FIBP: variants seen among roughly 807,000 people sequenced by gnomAD.
FIBP encodes FGF1 intracellular binding protein.
FIBP carries 29 observed loss-of-function variants against 40.5 expected under a neutral mutation model. The ratio of observed to expected loss-of-function variants is 0.72; its 90% CI spans 0.53 to 0.98. The LOEUF (loss-of-function observed/expected upper bound fraction) is 0.98. Among genes scored for constraint, FIBP ranks in the 50% least tolerant of loss-of-function variants. FIBP has a pLI of 0.00. For missense variants in FIBP, 411 were observed against 470.2 expected, an observed-to-expected ratio of 0.87 and a Z score of 1.16; for synonymous variants, 215 against 191.1, an observed-to-expected ratio of 1.13 and a Z score of -1.03.
chr11:65,887,385 G>T, intron 3 of FIBP: 1 of 576,530 alleles, frequency 1.7e-6, no homozygotes, highest in East Asian at 3.1e-5. Context: ...GGCGGAGGTT[G>T]CAGTGAGCTG....
intron 1 of FIBP, 48 bp downstream of exon 1, chr11:65,888,286 C>T (rs1395863460): frequency 6.6e-7 from 1 of 1,526,476 alleles, no homozygotes; most frequent in African/African-American, 1.4e-5. Flanking sequence ...CTCTCCCATT[C>T]AACACAACCG....
At chr11:65,886,169 T>TTA in intron 4 of FIBP, 153 bp downstream of exon 4, 1 of 336,622 alleles carries the variant, frequency 3.0e-6, no homozygotes, top group South Asian at 5.1e-5. Flanking sequence ...TCCGTCTCAT[T>TTA]AAAAAAAAAA....
chr11:65,885,809 G>T, intron 4 of FIBP, 146 bp from the exon 5 acceptor site: 1 of 771,064 alleles, frequency 1.3e-6, no homozygotes, highest in Non-Finnish European at 2.1e-6. Context: ...ACTTCTCTAT[G>T]ACCCTTCCCC....
intron 5 of FIBP, 144 bp downstream of exon 5, chr11:65,885,386 T>C (rs946747719): frequency 8.6e-5 from 92 of 1,072,118 alleles, no homozygotes; most frequent in Middle Eastern, 6.0e-4. Flanking sequence ...GGGGAAAACA[T>C]TCTATGGGCA....
In FIBP at chr11:65,887,448, A is replaced by G. The variant is rs1487047995; in HGVS notation, c.411+152T>C. Reference sequence around the variant, plus strand: ...GCCACAGAGCAAGACTCCATCTCGAAAAAAAAAAAAAAAAAGGAGGGGAAA... The same window carrying G: ...GCCACAGAGCAAGACTCCATCTCGAGAAAAAAAAAAAAAAAGGAGGGGAAA... On this transcript the variant is annotated intron_variant, in intron 3 of 9. Transcript: ENST00000357519. The G allele has an allele frequency of 3.2e-4, 155 of 482,200 alleles. No individual in the cohort carries two copies. In the East Asian group the frequency reaches 6.6e-3, roughly 20 times the overall value. 29.9% of individuals were successfully genotyped at this position (482,200 alleles called of 1,614,324 possible). A position where few individuals can be genotyped will look rare whatever the true frequency, so the allele number is the denominator to read the frequency against.
In FIBP at chr11:65,885,548, A is replaced by G; in HGVS notation, c.628T>C (p.Trp210Arg). 6.2e-7 allele frequency: 1 copy of G among 1,614,090 alleles called. No individual in the cohort carries two copies. The highest frequency in any genetic ancestry group is 8.5e-7 in the Non-Finnish European group (1 of 1,179,964). The change falls in exon 5 of 10, where the codon TGG becomes CGG. Residue 210 changes from tryptophan to arginine, a missense_variant. Transcript: ENST00000357519. ...AFCAELMIQN[W>R]TLGAVDSQMD... is the part of the protein sequence containing the mutation. ...GCCTCACCGACGGCTCCAAGGGTCCAGTTTTGGATCATGAGCTCAGCGCAG... is the reference window on the plus strand; with the variant it reads ...GCCTCACCGACGGCTCCAAGGGTCCGGTTTTGGATCATGAGCTCAGCGCAG...
At chr11:65,887,492 C>A in intron 3 of FIBP, 108 bp downstream of exon 3, 31 of 1,059,852 alleles carry the variant, frequency 2.9e-5, no homozygotes, top group Non-Finnish European at 4.1e-5. Flanking sequence ...GAGGAGAAGA[C>A]TAGGTATGAA....
chr11:65,887,709 T>C lies in FIBP; in HGVS notation c.302A>G (p.Glu101Gly), dbSNP rs776096153. The C allele has an allele frequency of 1.1e-5, 18 of 1,614,024 alleles. No individual in the cohort carries two copies. The highest frequency in any genetic ancestry group is 1.5e-5 in the Non-Finnish European group (18 of 1,180,032). ...GCCCAGCACCTCCCGAACAAAGGCC[T>C]CATCAAAGGCATAGTACCTTGTGGA... is the stretch of plus-strand genomic sequence containing the variant. ...LLIERYYAFD[E>G]AFVREVLGKK... Residue 101 changes from glutamate (E) to glycine (G), a missense_variant, in exon 3 of 10, where the codon GAG becomes GGG. Physicochemically the swap from Glu to Gly is moderately conservative, Grantham distance 98. Transcript: ENST00000357519.
At position 65,888,106 on chromosome 11, in the gene FIBP, G is replaced by C. The variant is rs757870004; in HGVS notation, c.112C>G (p.Arg38Gly). 2 of 1,587,822 alleles carry C rather than the reference G, an allele frequency of 1.3e-6. No individual in the cohort carries two copies. ...SVTDAVALRV[R>G]SGILEQTGAT... ...CCAGTCTGCTCCAGGATTCCCGAGCGCACCCGCAGGGCCACCGCGTCGGTC... is the reference window on the plus strand; with the variant it reads ...CCAGTCTGCTCCAGGATTCCCGAGCCCACCCGCAGGGCCACCGCGTCGGTC... Residue 38 changes from arginine to glycine, a missense_variant, in exon 2 of 10, where the codon CGC becomes GGC. Coordinates refer to ENST00000357519, the MANE Select transcript of FIBP (RefSeq NM_004214.5).
chr11:65,886,195 A>G (rs1314346474), intron 4 of FIBP, 127 bp downstream of exon 4: 1 of 525,496 alleles, frequency 1.9e-6, no homozygotes, highest in South Asian at 2.8e-5. Context: ...AAAAAAGTAC[A>G]GACCAAAAGT....
At chr11:65,886,629 T>G (rs1380156738) in intron 3 of FIBP, 1 of 525,188 alleles carries the variant, frequency 1.9e-6, no homozygotes, top group Non-Finnish European at 3.4e-6. Flanking sequence ...TGCTGTATCT[T>G]GCCTTGGATA....
In FIBP at chr11:65,884,401, T is replaced by C; in HGVS notation, c.995A>G (p.Asp332Gly). The change falls in exon 9 of 10, where the codon GAT (aspartate) becomes GGT (glycine). Residue 332 changes from aspartate to glycine, a missense_variant. By Grantham distance (94) the Asp-to-Gly change is moderately conservative (BLOSUM62 -1). Coordinates refer to ENST00000357519, the MANE Select transcript of FIBP (RefSeq NM_004214.5). ...GGACAGGGCTGCTCACCGGAAGCCA[T>C]CGAGGGAGTGGACAGACGCTGAATA... ...NQYSASVHSL[D>G]GFRHQALWDR... 2 of 1,613,820 alleles carry C rather than the reference T, an allele frequency of 1.2e-6. No individual in the cohort carries two copies. Among genetic ancestry groups the C allele is most frequent in the Non-Finnish European group, 1.7e-6 (2 of 1,179,902 alleles).
At position 65,885,533 on chromosome 11, in the gene FIBP, C is replaced by T. The variant is rs142260057; in HGVS notation, c.643G>A (p.Val215Ile). Residue 215 changes from valine to isoleucine, a missense_variant, in exon 5 of 10, where the codon GTC (valine) becomes ATC (isoleucine). Val to Ile is a conservative substitution (Grantham distance 29, BLOSUM62 3). Transcript: ENST00000357519. ...CCTGGGTCAGTGGGGGCCTCACCGA[C>T]GGCTCCAAGGGTCCAGTTTTGGATC... The part of the protein sequence containing the change: ...LMIQNWTLGA[V>I]DSQMDDMDMD... The T allele has an allele frequency of 1.4e-5, 22 of 1,613,104 alleles. No individual in the cohort carries two copies. Among genetic ancestry groups the T allele is most frequent in the South Asian group, 3.3e-5 (3 of 91,032 alleles).
chr11:65,884,011 G>T lies in FIBP; in HGVS notation c.1037C>A (p.Thr346Asn), dbSNP rs763382803. ...CAGGCGCAGGAGGCAGCCGCGGAGG[G>T]TGCCCATGTAGCGGTCCCAGAGGGC... ...HQALWDRYMG[T>N]LRGCLLRLYH... Residue 346 changes from threonine to asparagine, a missense_variant, in exon 10 of 10, where the codon ACC becomes AAC. By Grantham distance (65) the Thr-to-Asn change is moderately conservative. Coordinates refer to ENST00000357519, the MANE Select transcript of FIBP (RefSeq NM_004214.5). The T allele has an allele frequency of 6.2e-7, 1 of 1,613,986 alleles. No homozygotes were observed. The highest frequency in any genetic ancestry group is 8.5e-7 in the Non-Finnish European group (1 of 1,179,976).
chr11:65,883,797 A>G lies in FIBP; in HGVS notation c.*177T>C. 1 of 737,238 alleles carries G rather than the reference A, an allele frequency of 1.4e-6. No individual in the cohort carries two copies. Among genetic ancestry groups the G allele is most frequent in the South Asian group, 1.7e-5 (1 of 57,932 alleles). The allele number at this position is 737,238 out of a possible 1,614,324, so 45.7% of individuals were successfully genotyped here. Reference sequence around the variant, plus strand: ...CTGAGCACAGACACCATTCCCTGAGATATGTCTCAGTTCCCAAGGAGCCAC... The same window carrying G: ...CTGAGCACAGACACCATTCCCTGAGGTATGTCTCAGTTCCCAAGGAGCCAC... On this transcript the variant is annotated 3_prime_UTR_variant, in exon 10 of 10. Transcript: ENST00000357519.
chr11:65,888,164 C>A lies in FIBP; in HGVS notation c.86-32G>T. 5 of 1,533,792 alleles carry A rather than the reference C, an allele frequency of 3.3e-6. No individual in the cohort carries two copies. The South Asian group carries it at 4.8e-5, about 15-fold the overall frequency. ...AGCGGACGCTAGCATCAGGCCCCGC[C>A]CCGCCGACGCCAGAGGCCCTTAAGG... On this transcript the variant is annotated intron_variant, in intron 1 of 9. Coordinates refer to ENST00000357519, the MANE Select transcript of FIBP (RefSeq NM_004214.5).
chr11:65,885,914 G>A (rs1197481284), intron 4 of FIBP: 1 of 497,636 alleles, frequency 2.0e-6, no homozygotes, highest in Admixed American at 3.5e-5. Flanking sequence ...CACTTCCTAA[G>A]TGCCAGGGCT....
intron 1 of FIBP, 64 bp downstream of exon 1, chr11:65,888,270 C>T: frequency 1.3e-6 from 2 of 1,500,706 alleles, no homozygotes; most frequent in Non-Finnish European, 9.0e-7. Context: ...GTCTTAGCCC[C>T]GCCCCCTCTC....
At chr11:65,888,209 A>G (rs972967179) in intron 1 of FIBP, 77 bp from the exon 2 acceptor site, 171 of 1,478,894 alleles carry the variant, frequency 1.2e-4, no homozygotes, top group Middle Eastern at 3.4e-4. Flanking sequence ...CCAGACCCCT[A>G]TAACACCTCT....
Sources: allele counts gnomAD v4.1 joint callset, GRCh38; gene constraint gnomAD v4.1.1; transcripts MANE v1.5; gene names NCBI Gene and HGNC (gene_info 2026-07-23, HGNC 2026-07-21).